Variants in ZBTB44 observed in about 807,000 individuals in gnomAD.
The protein encoded by ZBTB44 is zinc finger and BTB domain containing 44, also known as zinc finger and BTB domain-containing protein 44.
Under a neutral mutation model 54.0 loss-of-function variants are expected in ZBTB44, and 15 were observed. That is an observed-to-expected ratio of 0.28 (90% CI 0.19 to 0.43). The LOEUF (loss-of-function observed/expected upper bound fraction) is 0.43, where lower values mean the gene tolerates loss of function less well. Among genes scored for constraint, ZBTB44 ranks in the 20% least tolerant of loss-of-function variants. ZBTB44 has a pLI of 1.00. For missense variants in ZBTB44, 487 were observed against 707.1 expected (o/e 0.69, Z 3.53); for synonymous variants, 230 against 250.1 (o/e 0.92, Z 0.76).
chr11:130,300,334 CCACACA>C (rs113216312), intron 1 of ZBTB44, among the ~76,000 whole-genome samples: 5 of 150,494 alleles, frequency 3.3e-5, no homozygotes, highest in African/African-American at 9.8e-5. Flanking sequence ...GTGTATTTCA[CCACACA>C]CACACACACA....
chr11:130,296,485 G>C (rs1416384794), intron 1 of ZBTB44: 4 of 1,011,528 alleles, frequency 4.0e-6, no homozygotes, highest in African/African-American at 3.2e-5. Context: ...GGAACACATT[G>C]TGTACGGATG....
intron 2 of ZBTB44, among the ~76,000 whole-genome samples, chr11:130,247,334 G>A (rs914393526): frequency 1.3e-5 from 2 of 152,164 alleles, no homozygotes; most frequent in Non-Finnish European, 2.9e-5. Context: ...GGATGAGAGG[G>A]CAGATATAAA....
intron 1 of ZBTB44, among the ~76,000 whole-genome samples, chr11:130,274,331 C>T (rs536832668): frequency 1.1e-3 from 164 of 152,264 alleles, no homozygotes; most frequent in African/African-American, 3.7e-3. Context: ...TTACCTCTTC[C>T]TTTCCAAACT....
Position 130,272,784 on chromosome 11 carries a change from CTATT to C in ZBTB44, c.-56-10859_-56-10856del, listed in dbSNP as rs1467492996. On this transcript the variant is annotated intron_variant, in intron 1 of 7. Coordinates refer to ENST00000357899, the MANE Select transcript of ZBTB44 (RefSeq NM_001301098.2). ...TCCCACCTCGTTCTTTTGCATGTAG[CTATT>C]TAGTTGTCCCAGTACCATCTGTTAA... is the stretch of plus-strand genomic sequence containing the variant. Among the ~76,000 whole-genome samples, 3 of 151,186 alleles carry C rather than the reference CTATT, an allele frequency of 2.0e-5. No individual in the cohort carries two copies. In the East Asian group the frequency reaches 5.8e-4, roughly 29 times the overall value.
At chr11:130,241,971 T>G (rs575050454) in intron 2 of ZBTB44, among the ~76,000 whole-genome samples, 77 of 152,342 alleles carry the variant, frequency 5.1e-4, no homozygotes, top group African/African-American at 1.8e-3. Flanking sequence ...TGTCCTTGTA[T>G]TAATGCCAAT....
In ZBTB44 at chr11:130,312,325, A is replaced by G. The variant is rs147029005; in HGVS notation, c.-57+2050T>C. 1.3e-3 allele frequency among the ~76,000 whole-genome samples: 202 copies of G among 152,362 alleles called. 1 individual carries two copies. Among genetic ancestry groups the G allele is most frequent in the African/African-American group, 4.6e-3 (193 of 41,590 alleles). On this transcript the variant is annotated intron_variant, in intron 1 of 7. Transcript: ENST00000357899. ...GCAAACCACACCTTTACAACAGATC[A>G]GTAGTCAGCACTTTAATCAAATGGT...
intron 2 of ZBTB44, among the ~76,000 whole-genome samples, chr11:130,250,341 G>A (rs1347528688): frequency 6.6e-6 from 1 of 152,214 alleles, no homozygotes; most frequent in Non-Finnish European, 1.5e-5. Context: ...CGCAGCTTCA[G>A]TGGACTTAAA....
At chr11:130,299,815 T>C (rs1941895011) in intron 1 of ZBTB44, among the ~76,000 whole-genome samples, 1 of 152,124 alleles carries the variant, frequency 6.6e-6, no homozygotes, top group South Asian at 2.1e-4. Context: ...TCTGGGTAGA[T>C]ACCCAAAAGA....
intron 1 of ZBTB44, among the ~76,000 whole-genome samples, chr11:130,278,702 TGAA>T (rs1409801766): frequency 3.9e-5 from 6 of 152,240 alleles, no homozygotes; most frequent in East Asian, 1.9e-4. Flanking sequence ...CTTCTGCCAG[TGAA>T]GAAGAGCACT....
At chr11:130,233,139 T>C (rs1953944505) in intron 7 of ZBTB44, 169 bp downstream of exon 7, 1 of 641,194 alleles carries the variant, frequency 1.6e-6, no homozygotes, top group African/African-American at 1.9e-5. Flanking sequence ...GTATTTTTAC[T>C]TTATATGGCA....
At chr11:130,276,581 T>G (rs889491409) in intron 1 of ZBTB44, among the ~76,000 whole-genome samples, 3 of 151,742 alleles carry the variant, frequency 2.0e-5, no homozygotes, top group African/African-American at 7.3e-5. Context: ...ATTATAGGAG[T>G]GCACCACCAT....
chr11:130,273,039 C>A (rs920761531), intron 1 of ZBTB44, among the ~76,000 whole-genome samples: 1 of 152,148 alleles, frequency 6.6e-6, no homozygotes, highest in East Asian at 1.9e-4. Context: ...GGGTCCCCTG[C>A]AACTCCATAT....
rs551371637 is a variant in ZBTB44, at chr11:130,303,650, C to A, written c.-57+10725G>T. ...AACTCCATCTCAAAAAAACCAAAAC[C>A]AAAACAAAAAAACCCAAAAAAACAC... On this transcript the variant is annotated intron_variant, in intron 1 of 7. Coordinates refer to ENST00000357899, the MANE Select transcript of ZBTB44 (RefSeq NM_001301098.2). Among the ~76,000 whole-genome samples, 242 of 151,672 alleles carry A rather than the reference C, an allele frequency of 1.6e-3. 5 individuals carry two copies. The South Asian group carries it at 0.035, about 22-fold the overall frequency.
chr11:130,286,208 A>G (rs1337875815), intron 1 of ZBTB44, among the ~76,000 whole-genome samples: 3 of 152,224 alleles, frequency 2.0e-5, no homozygotes, highest in African/African-American at 7.2e-5. Context: ...ATGGGCCAGA[A>G]TATTAAAAGC....
At chr11:130,291,628 T>C (rs1199109530) in intron 1 of ZBTB44, among the ~76,000 whole-genome samples, 1 of 152,226 alleles carries the variant, frequency 6.6e-6, no homozygotes, top group Non-Finnish European at 1.5e-5. Context: ...TGTCTTTCTC[T>C]ACACTGAACT....
chr11:130,265,910 C>A (rs540112113), intron 1 of ZBTB44, among the ~76,000 whole-genome samples: 1 of 152,314 alleles, frequency 6.6e-6, no homozygotes, highest in South Asian at 2.1e-4. Flanking sequence ...CCCACAAGTG[C>A]TGATGTCGAA....
At position 130,229,084 on chromosome 11, in the gene ZBTB44, T is replaced by C. The variant is rs1024732007; in HGVS notation, c.*2680A>G. The C allele has an allele frequency of 6.6e-6, 1 of 152,166 alleles. No individual in the cohort carries two copies. Among genetic ancestry groups the C allele is most frequent in the Non-Finnish European group, 1.5e-5 (1 of 68,024 alleles). The allele number at this position is 152,166 out of a possible 1,614,324, so 9.4% of individuals were successfully genotyped here. On this transcript the variant is annotated 3_prime_UTR_variant, in exon 8 of 8. Coordinates refer to ENST00000357899, the MANE Select transcript of ZBTB44 (RefSeq NM_001301098.2). ...CTTGCACAGTGGGGGTTTACTTAAGTAAAAGTAGCACAAACATTTCAAAGA... is the reference window on the plus strand; with the variant it reads ...CTTGCACAGTGGGGGTTTACTTAAGCAAAAGTAGCACAAACATTTCAAAGA...
chr11:130,261,018 C>T lies in ZBTB44; in HGVS notation c.856G>A (p.Asp286Asn). 6.2e-7 allele frequency: 1 copy of T among 1,613,884 alleles called. No individual in the cohort carries two copies. The highest frequency in any genetic ancestry group is 1.6e-4 in the Middle Eastern group (1 of 6,062). Reference protein sequence around the residue: ...KTTLPLGTEEDVRVKVERLSD... With the variant: ...KTTLPLGTEENVRVKVERLSD... The stretch of plus-strand genomic sequence containing the variant: ...AATCTTTCTACTTTGACCCGGACAT[C>T]TTCTTCGGTACCTAAAGGCAAGGTA... Residue 286 changes from aspartate to asparagine, a missense_variant, in exon 2 of 8, where the codon GAT (aspartate) becomes AAT (asparagine). By Grantham distance (23) the Asp-to-Asn change is conservative. Transcript: ENST00000357899. The surrounding 1 kb of genome is among the most constrained non-coding windows in gnomAD (Gnocchi z 4.8).
At chr11:130,242,956 T>C (rs1954450445) in intron 2 of ZBTB44, among the ~76,000 whole-genome samples, 1 of 152,216 alleles carries the variant, frequency 6.6e-6, no homozygotes, top group African/African-American at 2.4e-5. Context: ...AGTAATTTCT[T>C]CTAGTTTATC....
Sources: gnomAD v4.1 joint callset for allele counts (sites outside exome capture counted in the v4.1 genomes callset) on GRCh38, gnomAD v4.1.1 for gene constraint, Gnocchi (gnomAD v3.1) non-coding constraint, MANE v1.5 for transcripts, NCBI Gene and HGNC (gene_info 2026-07-23, HGNC 2026-07-21) for gene names.